Variants in GGT7 observed in about 807,000 individuals in gnomAD.
GGT7 encodes gamma-glutamyltransferase 7.
Under a neutral mutation model 69.2 loss-of-function variants are expected in GGT7, and 30 were observed. That is an observed-to-expected ratio of 0.43 (90% CI 0.32 to 0.59). The LOEUF (loss-of-function observed/expected upper bound fraction) is 0.59. GGT7 is among the 20% of genes least tolerant of loss of function. The probability of loss-of-function intolerance (pLI) is 0.05; values close to 1 mark genes in which losing one functional copy is unlikely to be tolerated. For missense variants in GGT7, 733 were observed against 901.1 expected (o/e 0.81, Z 2.39); for synonymous variants, 388 against 391.8 (o/e 0.99, Z 0.12).
chr20:34,857,608 C>A (rs2146906002), intron 7 of GGT7, among the ~76,000 whole-genome samples: 1 of 147,320 alleles, frequency 6.8e-6, no homozygotes, highest in South Asian at 2.2e-4. Flanking sequence ...CAGAGAATTA[C>A]ACATTGATTT....
Position 34,845,447 on chromosome 20 carries a change from G to A in GGT7, c.1870C>T (p.His624Tyr). The change falls in exon 15 of 15, where the codon CAC (histidine) becomes TAC (tyrosine). Residue 624 changes from histidine to tyrosine, a missense_variant. Coordinates refer to ENST00000336431, the MANE Select transcript of GGT7 (RefSeq NM_178026.3). ...EEIEFLEARGHHVEKVDVLSW... is the reference protein window; with the variant it reads ...EEIEFLEARGYHVEKVDVLSW... ...AAGACATCTACTTTCTCCACGTGGT[G>A]ACCCCTGGCTTCCAGGAACTCAATC... 6.2e-7 allele frequency: 1 copy of A among 1,614,026 alleles called. No homozygotes were observed. Among genetic ancestry groups the A allele is most frequent in the Non-Finnish European group, 8.5e-7 (1 of 1,179,926 alleles).
At chr20:34,868,399 A>T (rs1448883597) in intron 1 of GGT7, among the ~76,000 whole-genome samples, 1 of 152,256 alleles carries the variant, frequency 6.6e-6, no homozygotes, top group African/African-American at 2.4e-5. Flanking sequence ...ATACTGGAAA[A>T]AGATTAATTT....
At chr20:34,854,149 C>T (rs996847070) in intron 10 of GGT7, among the ~76,000 whole-genome samples, 1 of 152,178 alleles carries the variant, frequency 6.6e-6, no homozygotes, top group South Asian at 2.1e-4. Flanking sequence ...GTTGGTCAGG[C>T]TGGTCTCAAA....
intron 10 of GGT7, among the ~76,000 whole-genome samples, chr20:34,853,757 A>C (rs143698244): frequency 2.0e-5 from 3 of 152,294 alleles, no homozygotes; most frequent in African/African-American, 7.2e-5. Flanking sequence ...CATTATTGTC[A>C]AGCCCCCTTG....
intron 10 of GGT7, among the ~76,000 whole-genome samples, chr20:34,854,244 G>A (rs112171725): frequency 0.034 from 5,193 of 152,208 alleles, 127 homozygotes; most frequent in Non-Finnish European, 0.052. Context: ...GCTTTTGTTT[G>A]GTATTGAGCT....
intron 4 of GGT7, 120 bp downstream of exon 4, chr20:34,861,325 A>G (rs762287640): frequency 2.0e-6 from 1 of 495,274 alleles, no homozygotes; most frequent in East Asian, 3.1e-5. Context: ...GCCTAAGAGA[A>G]TCCTGCTCAA....
intron 1 of GGT7, among the ~76,000 whole-genome samples, chr20:34,869,914 GAAGA>G (rs922075637): frequency 1.1e-4 from 16 of 152,206 alleles, no homozygotes; most frequent in Non-Finnish European, 2.1e-4. Context: ...TTGGAGCTCA[GAAGA>G]AAGAAAGTAT....
intron 8 of GGT7, among the ~76,000 whole-genome samples, chr20:34,856,027 A>G (rs921959653): frequency 2.0e-5 from 3 of 152,166 alleles, no homozygotes; most frequent in Non-Finnish European, 2.9e-5. Flanking sequence ...TCCTGGGCTC[A>G]AGTGATCCTC....
chr20:34,849,901 A>C (rs2079361029), intron 14 of GGT7, 60 bp downstream of exon 14: 2 of 1,006,838 alleles, frequency 2.0e-6, no homozygotes, highest in African/African-American at 3.2e-5. Flanking sequence ...CACCCTTGGG[A>C]GGAGTCCTTT....
Position 34,863,810 on chromosome 20 carries a change from T to G in GGT7, c.170-262A>C, listed in dbSNP as rs2079643850. 1 of 679,404 alleles carries G rather than the reference T, an allele frequency of 1.5e-6. No individual in the cohort carries two copies. Among genetic ancestry groups the G allele is most frequent in the Non-Finnish European group, 2.8e-6 (1 of 361,384 alleles). The allele number at this position is 679,404 out of a possible 1,614,324, so 42.1% of individuals were successfully genotyped here. Reference sequence around the variant, plus strand: ...CCCTCCCTGATACCTAGGCCAAATTTCCTGGCACCCAGGGCCCAGGGCTGA... The same window carrying G: ...CCCTCCCTGATACCTAGGCCAAATTGCCTGGCACCCAGGGCCCAGGGCTGA... On this transcript the variant is annotated intron_variant, in intron 1 of 14. Coordinates refer to ENST00000336431, the MANE Select transcript of GGT7 (RefSeq NM_178026.3). This position sits in a 1 kb window ranked among gnomAD's most constrained non-coding sequence, Gnocchi z 4.4.
At chr20:34,866,712 T>C (rs2079696439) in intron 1 of GGT7, among the ~76,000 whole-genome samples, 1 of 152,080 alleles carries the variant, frequency 6.6e-6, no homozygotes, top group South Asian at 2.1e-4. Context: ...CCTGAGTAGC[T>C]GGGATTACAG....
intron 9 of GGT7, 31 bp downstream of exon 9, chr20:34,854,765 A>G: frequency 6.2e-7 from 1 of 1,613,674 alleles, no homozygotes; most frequent in Non-Finnish European, 8.5e-7. Flanking sequence ...ATATCCTTAA[A>G]TCCAGGGAAA....
At position 34,863,701 on chromosome 20, in the gene GGT7, C is replaced by A. The variant is rs577798474; in HGVS notation, c.170-153G>T. On this transcript the variant is annotated intron_variant, in intron 1 of 14. Transcript: ENST00000336431. The surrounding 1 kb of genome is among the most constrained non-coding windows in gnomAD (Gnocchi z 4.4). ...TCACCTTTCCTCATTTTCGCGTGCA[C>A]CCCAGGACAGGCGGGGCAACGGTGC... The A allele has an allele frequency of 4.5e-5, 33 of 727,616 alleles. No individual in the cohort carries two copies. The East Asian group carries it at 8.8e-4, about 20-fold the overall frequency. 45.1% of individuals were successfully genotyped at this position (727,616 alleles called of 1,614,324 possible).
chr20:34,859,415 C>A, intron 7 of GGT7, 28 bp downstream of exon 7: 1 of 1,531,280 alleles, frequency 6.5e-7, no homozygotes, highest in Non-Finnish European at 8.9e-7. Context: ...TTGGGGCATG[C>A]CCCCACCCGC....
Position 34,851,371 on chromosome 20 carries a change from G to A in GGT7, c.1588-3C>T, listed in dbSNP as rs779889802. ...TTCCCTGGCTGCACTGAATTCTCCTGTTGTTAGAGGACAGAGACCACAAGG... is the reference window on the plus strand; with the variant it reads ...TTCCCTGGCTGCACTGAATTCTCCTATTGTTAGAGGACAGAGACCACAAGG... On this transcript the variant is annotated splice_polypyrimidine_tract_variant and splice_region_variant and intron_variant, in intron 12 of 14. Transcript: ENST00000336431. The A allele has an allele frequency of 6.8e-6, 11 of 1,609,936 alleles. No homozygotes were observed. The East Asian group carries it at 2.5e-4, about 36-fold the overall frequency.
intron 1 of GGT7, among the ~76,000 whole-genome samples, chr20:34,867,648 C>T (rs2079714430): frequency 6.6e-6 from 1 of 152,052 alleles, no homozygotes; most frequent in Non-Finnish European, 1.5e-5. Context: ...CCTGGTAGTT[C>T]GAGGCTGCAG....
rs182216859 is a variant in GGT7 at position 34,849,256 on chromosome 20, T to A, written c.1825+705A>T. Among the ~76,000 whole-genome samples the A allele has an allele frequency of 4.0e-5, 6 of 151,402 alleles. No individual in the cohort carries two copies. In the East Asian group the frequency reaches 1.2e-3, roughly 29 times the overall value. On this transcript the variant is annotated intron_variant, in intron 14 of 14. Coordinates refer to ENST00000336431, the MANE Select transcript of GGT7 (RefSeq NM_178026.3). ...TGGCTCACTGTAACCTCTGCCTCCC[T>A]GGTTCAAGCAATTCTCCTGCCTCAG...
chr20:34,856,357 T>G (rs2079491048), intron 8 of GGT7, among the ~76,000 whole-genome samples: 2 of 152,210 alleles, frequency 1.3e-5, no homozygotes, highest in African/African-American at 4.8e-5. Context: ...AGTTGTTATA[T>G]TCCCTCCTCG....
intron 14 of GGT7, among the ~76,000 whole-genome samples, chr20:34,848,932 C>A (rs751359562): frequency 6.6e-6 from 1 of 152,162 alleles, no homozygotes; most frequent in Non-Finnish European, 1.5e-5. Flanking sequence ...TTATAAAATT[C>A]AGCTGTGCCA....
Sources: allele counts gnomAD v4.1 joint callset (sites outside exome capture counted in the v4.1 genomes callset), GRCh38; gene constraint gnomAD v4.1.1; non-coding constraint Gnocchi (gnomAD v3.1); transcripts MANE v1.5; gene names NCBI Gene and HGNC (gene_info 2026-07-23, HGNC 2026-07-21).